BRINP2: variants seen among roughly 807,000 people sequenced by gnomAD.
BRINP2 encodes BMP/retinoic acid inducible neural specific 2.
A neutral mutation model predicts 69.2 loss-of-function variants in BRINP2; 21 were observed. The observed-to-expected ratio is 0.30, with a 90% CI of 0.22 to 0.44. BRINP2 has a LOEUF of 0.44. Ranked by LOEUF, BRINP2 falls within the 20% of genes least tolerant of loss-of-function variation. The pLI, the probability that BRINP2 is intolerant of heterozygous loss-of-function variation, is 1.00. For synonymous variants in BRINP2, 380 were observed against 394.1 expected, an observed-to-expected ratio of 0.96 and a Z score of 0.42; for missense variants, 877 against 986.0, an observed-to-expected ratio of 0.89 and a Z score of 1.48.
intron 2 of BRINP2, among the ~76,000 whole-genome samples, chr1:177,232,727 A>G (rs930906784): frequency 2.0e-5 from 3 of 152,152 alleles, no homozygotes; most frequent in African/African-American, 4.8e-5. Flanking sequence ...CTGGTAAAAC[A>G]TACATCGACA....
intron 1 of BRINP2, among the ~76,000 whole-genome samples, chr1:177,193,823 A>G (rs1218722845): frequency 1.3e-5 from 2 of 152,294 alleles, no homozygotes; most frequent in Non-Finnish European, 2.9e-5. Context: ...AACTGTGTTT[A>G]AAAAGGCTAT....
At chr1:177,243,073 T>G (rs1650256449) in intron 2 of BRINP2, among the ~76,000 whole-genome samples, 1 of 152,164 alleles carries the variant, frequency 6.6e-6, no homozygotes, top group Admixed American at 6.5e-5. Context: ...AGATTTGGTT[T>G]ATTTCTAGCT....
chr1:177,235,598 A>G (rs1649996855), intron 2 of BRINP2, among the ~76,000 whole-genome samples: 1 of 152,204 alleles, frequency 6.6e-6, no homozygotes, highest in South Asian at 2.1e-4. Flanking sequence ...GAGGAGCTCC[A>G]GAGCTGATTT....
At chr1:177,208,700 T>C (rs1264500551) in intron 1 of BRINP2, among the ~76,000 whole-genome samples, 1 of 152,232 alleles carries the variant, frequency 6.6e-6, no homozygotes, top group Non-Finnish European at 1.5e-5. Context: ...GATTTGATTT[T>C]AACACAGTTA....
chr1:177,269,659 A>G (rs1651241694), intron 4 of BRINP2, among the ~76,000 whole-genome samples: 1 of 152,158 alleles, frequency 6.6e-6, no homozygotes, highest in Non-Finnish European at 1.5e-5. Flanking sequence ...CTGATTGCTC[A>G]CAATTAGAAG....
chr1:177,200,432 T>C (rs1227029567), intron 1 of BRINP2, among the ~76,000 whole-genome samples: 1 of 149,762 alleles, frequency 6.7e-6, no homozygotes, highest in Non-Finnish European at 1.5e-5. Context: ...CCTTACAGAG[T>C]CTTGCAAAAT....
chr1:177,175,290 TG>T (rs143330175), intron 1 of BRINP2, among the ~76,000 whole-genome samples: 30 of 149,364 alleles, frequency 2.0e-4, no homozygotes, highest in Non-Finnish European at 3.3e-4. Flanking sequence ...AAAAGCGGGG[TG>T]GGGGGGGCAG....
chr1:177,245,627 G>T (rs1261884000), intron 2 of BRINP2, among the ~76,000 whole-genome samples: 2 of 152,188 alleles, frequency 1.3e-5, no homozygotes, highest in African/African-American at 4.8e-5. Flanking sequence ...CAGATGAGAT[G>T]CTGGGGAGCA....
At chr1:177,221,201 A>G (rs2102318450) in intron 1 of BRINP2, among the ~76,000 whole-genome samples, 1 of 152,312 alleles carries the variant, frequency 6.6e-6, no homozygotes, top group Admixed American at 6.5e-5. Context: ...TCTCTGTACA[A>G]TGGGCATAAT....
chr1:177,180,796 C>G (rs960244869), intron 1 of BRINP2, among the ~76,000 whole-genome samples: 2 of 152,146 alleles, frequency 1.3e-5, no homozygotes, highest in Non-Finnish European at 2.9e-5. Flanking sequence ...AAAAGCAAAA[C>G]TTGTGATTCA....
chr1:177,246,603 C>T (rs939624177), intron 2 of BRINP2, among the ~76,000 whole-genome samples: 34 of 152,112 alleles, frequency 2.2e-4, no homozygotes, highest in African/African-American at 8.0e-4. Flanking sequence ...AGGGGGTGCC[C>T]CCAAAAGAGA....
intron 4 of BRINP2, among the ~76,000 whole-genome samples, chr1:177,270,075 CA>C: frequency 1.3e-5 from 1 of 75,444 alleles, no homozygotes; most frequent in African/African-American, 4.5e-5. Context: ...CACTTTGGGG[CA>C]AGGGGTGGGG....
intron 1 of BRINP2, among the ~76,000 whole-genome samples, chr1:177,217,475 T>A (rs945632172): frequency 6.6e-6 from 1 of 151,876 alleles, no homozygotes; most frequent in Non-Finnish European, 1.5e-5. Context: ...TTATTCTGAA[T>A]TTTTTTTTCT....
intron 1 of BRINP2, among the ~76,000 whole-genome samples, chr1:177,198,969 C>T (rs1234257774): frequency 6.6e-6 from 1 of 152,122 alleles, no homozygotes; most frequent in African/African-American, 2.4e-5. Context: ...CTCACAGATA[C>T]ATGAACACAC....
At chr1:177,200,144 G>A (rs12126154) in intron 1 of BRINP2, among the ~76,000 whole-genome samples, 58,573 of 150,814 alleles carry the variant, frequency 0.39, 11,684 homozygotes, top group South Asian at 0.48. Flanking sequence ...AATACAAAAT[G>A]AGCCACATGT....
intron 1 of BRINP2, among the ~76,000 whole-genome samples, chr1:177,215,604 T>TC (rs1169136090): frequency 1.3e-5 from 2 of 152,170 alleles, no homozygotes; most frequent in African/African-American, 4.8e-5. Context: ...TTATTTTGGG[T>TC]TTTCTATATA....
intron 2 of BRINP2, among the ~76,000 whole-genome samples, chr1:177,243,006 T>C (rs1449180020): frequency 6.6e-6 from 1 of 152,178 alleles, no homozygotes; most frequent in Admixed American, 6.5e-5. Context: ...TCATTAGTAA[T>C]ATTGGTGGAA....
chr1:177,269,402 T>G (rs1167717891), intron 4 of BRINP2, among the ~76,000 whole-genome samples: 1 of 152,224 alleles, frequency 6.6e-6, no homozygotes, highest in Non-Finnish European at 1.5e-5. Context: ...GGAGCTTGTT[T>G]CTAAATTACA....
chr1:177,181,819 G>A (rs866644949), intron 1 of BRINP2, among the ~76,000 whole-genome samples: 50 of 152,294 alleles, frequency 3.3e-4, no homozygotes, highest in African/African-American at 1.2e-3. Flanking sequence ...GCGGAGCAAG[G>A]GCAGCCTCCT....
Sources: allele counts gnomAD v4.1 joint callset (sites outside exome capture counted in the v4.1 genomes callset), GRCh38; gene constraint gnomAD v4.1.1; transcripts MANE v1.5; gene names NCBI Gene and HGNC (gene_info 2026-07-23, HGNC 2026-07-21).